CD28: variants seen among roughly 807,000 people sequenced by gnomAD.
The protein encoded by CD28 is T-cell-specific surface glycoprotein CD28.
A neutral mutation model predicts 21.4 loss-of-function variants in CD28; 8 were observed. The observed-to-expected ratio is 0.37, with a 90% CI of 0.22 to 0.68. The LOEUF (loss-of-function observed/expected upper bound fraction) is 0.68, where lower values mean the gene tolerates loss of function less well. CD28 is among the 30% of genes least tolerant of loss of function. The probability of loss-of-function intolerance (pLI) is 0.55; values close to 1 mark genes in which losing one functional copy is unlikely to be tolerated. For missense variants in CD28, 239 were observed against 272.2 expected, an observed-to-expected ratio of 0.88 and a Z score of 0.86; for synonymous variants, 106 against 104.0, an observed-to-expected ratio of 1.02 and a Z score of -0.12.
At chr2:203,722,035 C>CA (rs1490182046) in intron 1 of CD28, among the ~76,000 whole-genome samples, 1 of 152,114 alleles carries the variant, frequency 6.6e-6, no homozygotes, top group East Asian at 1.9e-4. Flanking sequence ...CCCACACTCC[C>CA]TTTTTTTGTC....
chr2:203,722,202 T>C (rs563469959), intron 1 of CD28, among the ~76,000 whole-genome samples: 1 of 152,276 alleles, frequency 6.6e-6, no homozygotes, highest in African/African-American at 2.4e-5. Context: ...TACAAATGCC[T>C]AACCTGCACT....
intron 3 of CD28, among the ~76,000 whole-genome samples, chr2:203,731,995 C>T (rs1231832868): frequency 6.6e-6 from 1 of 152,118 alleles, no homozygotes; most frequent in Non-Finnish European, 1.5e-5. Flanking sequence ...GTCTATATTT[C>T]GTAGAATAAC....
In CD28 at chr2:203,727,627, C is replaced by T. The variant is rs765079334; in HGVS notation, c.409+638C>T. Among the ~76,000 whole-genome samples, 292 of 147,868 alleles carry T rather than the reference C, an allele frequency of 2.0e-3. 1 individual carries two copies. The highest frequency in any genetic ancestry group is 3.5e-3 in the Middle Eastern group (1 of 282). On this transcript the variant is annotated intron_variant, in intron 2 of 3. Coordinates refer to ENST00000324106, the MANE Select transcript of CD28 (RefSeq NM_006139.4). The stretch of plus-strand genomic sequence containing the variant: ...CCCGATCAGCTGGGACTACAGGGCC[C>T]GCCACCACGCCTGGCTTATTTTTTG...
chr2:203,732,302 T>A (rs1035221083), intron 3 of CD28, among the ~76,000 whole-genome samples: 4 of 152,174 alleles, frequency 2.6e-5, no homozygotes. Flanking sequence ...GACCTGATGT[T>A]GACATTTGAG....
At position 203,729,782 on chromosome 2, in the gene CD28, G is replaced by A. The variant is rs768447360; in HGVS notation, c.534+10G>A. The A allele has an allele frequency of 1.9e-6, 3 of 1,611,640 alleles. No homozygotes were observed. In the South Asian group the frequency reaches 3.3e-5, roughly 18 times the overall value. The stretch of plus-strand genomic sequence containing the variant: ...CTTTATTATTTTCTGGGTAAGAGAA[G>A]CAGCACTGCTTTTATGTAACTTTTC... On this transcript the variant is annotated intron_variant, in intron 3 of 3. Coordinates refer to ENST00000324106, the MANE Select transcript of CD28 (RefSeq NM_006139.4).
At chr2:203,716,481 T>C (rs1693465628) in intron 1 of CD28, among the ~76,000 whole-genome samples, 2 of 152,084 alleles carry the variant, frequency 1.3e-5, no homozygotes, top group African/African-American at 4.8e-5. Context: ...AAGTCCCTTA[T>C]TTATTTGATG....
intron 2 of CD28, among the ~76,000 whole-genome samples, chr2:203,727,432 T>TCCTTCCTTCCTC (rs1225316624): frequency 2.4e-5 from 1 of 41,230 alleles, no homozygotes; most frequent in Non-Finnish European, 4.7e-5. Context: ...ATTTTCTTTT[T>TCCTTCCTTCCTC]CCTTCCTTCC....
At chr2:203,733,950 AT>A (rs1261591559) in intron 3 of CD28, among the ~76,000 whole-genome samples, 1 of 152,184 alleles carries the variant, frequency 6.6e-6, no homozygotes, top group African/African-American at 2.4e-5. Context: ...TTCAGGTATC[AT>A]GTCATTCATG....
intron 1 of CD28, among the ~76,000 whole-genome samples, chr2:203,713,455 G>A (rs1027569611): frequency 6.6e-6 from 1 of 152,166 alleles, no homozygotes; most frequent in Non-Finnish European, 1.5e-5. Context: ...GAGAGAGGCA[G>A]GGGGACACAG....
intron 1 of CD28, among the ~76,000 whole-genome samples, chr2:203,714,279 G>T (rs1399174378): frequency 6.6e-6 from 1 of 152,082 alleles, no homozygotes; most frequent in Non-Finnish European, 1.5e-5. Context: ...TTAAATTCTT[G>T]CTTGAGTCCT....
chr2:203,729,982 TAGGTGGTG>T (rs1007829204), intron 3 of CD28, among the ~76,000 whole-genome samples: 14 of 152,172 alleles, frequency 9.2e-5, no homozygotes, highest in Non-Finnish European at 1.6e-4. Flanking sequence ...AGGCATTGAG[TAGGTGGTG>T]AGGCAAAATA....
At chr2:203,725,966 T>C (rs939667557) in intron 1 of CD28, among the ~76,000 whole-genome samples, 1 of 152,172 alleles carries the variant, frequency 6.6e-6, no homozygotes, top group African/African-American at 2.4e-5. Context: ...CCCAGCACTT[T>C]GGGAGGCCAA....
At chr2:203,706,792 G>A in intron 1 of CD28, 44 bp downstream of exon 1, 1 of 1,438,484 alleles carries the variant, frequency 7.0e-7, no homozygotes, top group Non-Finnish European at 9.8e-7. Context: ...ATTTTTTGAG[G>A]TCTTCCAATT....
At chr2:203,727,740 C>T (rs953847020) in intron 2 of CD28, among the ~76,000 whole-genome samples, 1 of 151,654 alleles carries the variant, frequency 6.6e-6, no homozygotes, top group Admixed American at 6.6e-5. Flanking sequence ...AATGCGGTGG[C>T]GCGATCTCGG....
chr2:203,727,780 T>C (rs1193976657), intron 2 of CD28, among the ~76,000 whole-genome samples: 3 of 151,706 alleles, frequency 2.0e-5, no homozygotes, highest in Admixed American at 6.6e-5. Context: ...CCCAGGTTCA[T>C]GCCATTCTCC....
At chr2:203,719,361 GA>G (rs1693547297) in intron 1 of CD28, among the ~76,000 whole-genome samples, 1 of 152,100 alleles carries the variant, frequency 6.6e-6, no homozygotes, top group Non-Finnish European at 1.5e-5. Flanking sequence ...AAATAGTGGG[GA>G]AAATGAAATG....
chr2:203,713,852 GGAGA>G (rs57737764), intron 1 of CD28, among the ~76,000 whole-genome samples: 70,739 of 141,590 alleles, frequency 0.5, 17,146 homozygotes, highest in South Asian at 0.66. Context: ...AGAGAGAGAG[GGAGA>G]GAGAGAGAGA....
intron 2 of CD28, among the ~76,000 whole-genome samples, chr2:203,728,313 A>T (rs993371405): frequency 6.6e-6 from 1 of 152,204 alleles, no homozygotes. Flanking sequence ...TTCTGCCTAA[A>T]TGTTAGGGAG....
At chr2:203,729,152 T>C (rs929889440) in intron 2 of CD28, among the ~76,000 whole-genome samples, 2 of 152,246 alleles carry the variant, frequency 1.3e-5, no homozygotes, top group Admixed American at 1.3e-4. Context: ...AGTGATTTGT[T>C]TGTCATTATA....
Sources: allele counts gnomAD v4.1 joint callset (sites outside exome capture counted in the v4.1 genomes callset), GRCh38; gene constraint gnomAD v4.1.1; transcripts MANE v1.5; gene names NCBI Gene and HGNC (gene_info 2026-07-23, HGNC 2026-07-21).